Variants in ROBO2 observed in about 807,000 individuals in gnomAD.
ROBO2 encodes roundabout guidance receptor 2, also known as roundabout homolog 2.
Under a neutral mutation model 160.8 loss-of-function variants are expected in ROBO2, and 53 were observed. The ratio of observed to expected loss-of-function variants is 0.33; its 90% CI spans 0.26 to 0.41. The LOEUF (loss-of-function observed/expected upper bound fraction) is 0.41, where lower values mean the gene tolerates loss of function less well. ROBO2 is among the 10% of genes least tolerant of loss of function. The probability of loss-of-function intolerance (pLI) is 1.00; values close to 1 mark genes in which losing one functional copy is unlikely to be tolerated. For missense variants in ROBO2, 1,577 were observed against 1,722.4 expected, an observed-to-expected ratio of 0.92 and a Z score of 1.49; for synonymous variants, 664 against 611.7, an observed-to-expected ratio of 1.09 and a Z score of -1.26.
intron 2 of ROBO2, among the ~76,000 whole-genome samples, chr3:76,986,150 CTTAA>C (rs1259458889): frequency 1.6e-4 from 25 of 152,058 alleles, no homozygotes; most frequent in African/African-American, 5.3e-4. Context: ...TGCACTGTTT[CTTAA>C]TTAATCAAAT....
chr3:76,182,660 C>A (rs1701565613), intron 2 of ROBO2, among the ~76,000 whole-genome samples: 1 of 152,106 alleles, frequency 6.6e-6, no homozygotes, highest in Admixed American at 6.6e-5. Context: ...CTGCTTATCA[C>A]TCCGCGACCA....
intron 2 of ROBO2, among the ~76,000 whole-genome samples, chr3:76,077,770 A>G (rs2068689783): frequency 6.6e-6 from 1 of 152,242 alleles, no homozygotes; most frequent in Non-Finnish European, 1.5e-5. Flanking sequence ...ACATTAAAAT[A>G]CATTAGATTT....
chr3:77,367,309 T>G, intron 2 of ROBO2, among the ~76,000 whole-genome samples: 1 of 152,272 alleles, frequency 6.6e-6, no homozygotes, highest in South Asian at 2.1e-4. Context: ...ATCCTTTTTC[T>G]AAGGAAATGA....
chr3:76,033,564 A>G (rs1295195098), intron 2 of ROBO2, among the ~76,000 whole-genome samples: 3 of 152,232 alleles, frequency 2.0e-5, no homozygotes, highest in Admixed American at 6.5e-5. Flanking sequence ...AGTTAGCAAT[A>G]AGCATTTTAC....
intron 2 of ROBO2, among the ~76,000 whole-genome samples, chr3:77,186,820 C>A (rs1458066123): frequency 6.6e-6 from 1 of 151,808 alleles, no homozygotes; most frequent in Non-Finnish European, 1.5e-5. Flanking sequence ...GACTGATTAG[C>A]TAATTTTAAA....
intron 1 of ROBO2, among the ~76,000 whole-genome samples, chr3:75,919,022 C>A (rs1273629072): frequency 6.6e-6 from 1 of 152,024 alleles, no homozygotes; most frequent in Non-Finnish European, 1.5e-5. Flanking sequence ...ATTTGCATAC[C>A]TTTTATTTCT....
chr3:77,560,723 C>T (rs1306227739), intron 9 of ROBO2, among the ~76,000 whole-genome samples: 1 of 152,018 alleles, frequency 6.6e-6, no homozygotes, highest in Admixed American at 6.6e-5. Flanking sequence ...ATATACCTAC[C>T]GCAGCTAATG....
At chr3:76,364,294 C>T (rs1357962687) in intron 2 of ROBO2, among the ~76,000 whole-genome samples, 1 of 152,072 alleles carries the variant, frequency 6.6e-6, no homozygotes, top group African/African-American at 2.4e-5. Context: ...GTAACTCTCA[C>T]AGTTTTTCTC....
At chr3:76,785,820 A>G (rs1393343615) in intron 2 of ROBO2, among the ~76,000 whole-genome samples, 1 of 151,334 alleles carries the variant, frequency 6.6e-6, no homozygotes, top group Non-Finnish European at 1.5e-5. Flanking sequence ...ATACAGATGT[A>G]TCACACTTTA....
intron 2 of ROBO2, among the ~76,000 whole-genome samples, chr3:76,341,420 A>T (rs1258107521): frequency 2.8e-5 from 3 of 108,042 alleles, no homozygotes; most frequent in Non-Finnish European, 4.0e-5. Context: ...TTTAAAGCGT[A>T]AAAAAAAAAA....
At chr3:77,561,901 C>G (rs565976401) in intron 9 of ROBO2, among the ~76,000 whole-genome samples, 1 of 152,012 alleles carries the variant, frequency 6.6e-6, no homozygotes, top group South Asian at 2.1e-4. Flanking sequence ...GTCAAGAGTT[C>G]GAGACCAGCC....
chr3:77,549,551 A>G (rs898513896), intron 7 of ROBO2, among the ~76,000 whole-genome samples: 5 of 152,008 alleles, frequency 3.3e-5, no homozygotes, highest in African/African-American at 1.2e-4. Context: ...CTCGTTTTAG[A>G]CGGAGTTTAA....
At chr3:76,683,331 C>A (rs934561233) in intron 2 of ROBO2, among the ~76,000 whole-genome samples, 1 of 151,550 alleles carries the variant, frequency 6.6e-6, no homozygotes, top group Admixed American at 6.6e-5. Context: ...CAAATGACTG[C>A]TTGGATTTTA....
intron 2 of ROBO2, among the ~76,000 whole-genome samples, chr3:76,325,139 CAAAT>C (rs2072906566): frequency 6.6e-6 from 1 of 152,184 alleles, no homozygotes; most frequent in Non-Finnish European, 1.5e-5. Context: ...AGATCAGACT[CAAAT>C]AAAAGCCTAA....
chr3:76,221,698 G>A (rs933197150), intron 2 of ROBO2, among the ~76,000 whole-genome samples: 1 of 152,174 alleles, frequency 6.6e-6, no homozygotes, highest in Non-Finnish European at 1.5e-5. Context: ...AGCTGCTTCT[G>A]GATGATGGGG....
At position 77,602,888 on chromosome 3, in the gene ROBO2, G is replaced by A. The variant is rs114892755; in HGVS notation, c.3136+397G>A. 388 of 463,634 alleles carry A rather than the reference G, an allele frequency of 8.4e-4. 3 individuals carry two copies. Among genetic ancestry groups the A allele is most frequent in the African/African-American group, 7.1e-3 (359 of 50,486 alleles). 28.7% of individuals were successfully genotyped at this position (463,634 alleles called of 1,614,324 possible). ...CATGTTCTGCATGGGCTTGTGCTGT[G>A]AACTAATCACATGATGCCACTATGA... On this transcript the variant is annotated intron_variant, in intron 20 of 25. Transcript: ENST00000461745.
At chr3:77,447,422 G>A (rs1319436346) in intron 2 of ROBO2, among the ~76,000 whole-genome samples, 1 of 151,934 alleles carries the variant, frequency 6.6e-6, no homozygotes, top group Non-Finnish European at 1.5e-5. Flanking sequence ...GTTAAATTCT[G>A]AGAACACTAA....
chr3:75,923,567 G>A (rs1377716612), intron 1 of ROBO2, among the ~76,000 whole-genome samples: 1 of 152,166 alleles, frequency 6.6e-6, no homozygotes, highest in East Asian at 1.9e-4. Context: ...ACCTTACCAT[G>A]GAGAAAAATA....
chr3:76,293,178 A>G (rs1192963391), intron 2 of ROBO2, among the ~76,000 whole-genome samples: 5 of 152,204 alleles, frequency 3.3e-5, no homozygotes, highest in Admixed American at 6.5e-5. Context: ...TCGAACTAGA[A>G]TACACTGAGA....
Sources: gnomAD v4.1 joint callset for allele counts (sites outside exome capture counted in the v4.1 genomes callset) on GRCh38, gnomAD v4.1.1 for gene constraint, MANE v1.5 for transcripts, NCBI Gene and HGNC (gene_info 2026-07-23, HGNC 2026-07-21) for gene names.